INPP4B: variants seen among roughly 807,000 people sequenced by gnomAD.
INPP4B encodes the protein inositol polyphosphate-4-phosphatase type II B.
INPP4B carries 55 observed loss-of-function variants against 122.5 expected under a neutral mutation model. The observed-to-expected ratio is 0.45, with a 90% CI of 0.36 to 0.56. The LOEUF is 0.56. Among genes scored for constraint, INPP4B ranks in the 20% least tolerant of loss-of-function variants. The pLI, the probability that INPP4B is intolerant of heterozygous loss-of-function variation, is 0.00. For synonymous variants in INPP4B, 403 were observed against 388.7 expected (o/e 1.04, Z -0.43); for missense variants, 1,000 against 1,097.7 (o/e 0.91, Z 1.26).
intron 17 of INPP4B, among the ~76,000 whole-genome samples, chr4:142,156,986 C>A (rs558983802): frequency 6.6e-6 from 1 of 151,952 alleles, no homozygotes; most frequent in Admixed American, 6.6e-5. Flanking sequence ...TATTTGCAAA[C>A]GTAAGCCAAT....
chr4:142,474,637 G>A (rs1819507011), intron 2 of INPP4B, among the ~76,000 whole-genome samples: 1 of 152,050 alleles, frequency 6.6e-6, no homozygotes, highest in Non-Finnish European at 1.5e-5. Flanking sequence ...AGACAGTAGG[G>A]CAGACTACCC....
intron 2 of INPP4B, among the ~76,000 whole-genome samples, chr4:142,612,748 C>A (rs935751860): frequency 6.6e-6 from 1 of 152,174 alleles, no homozygotes; most frequent in South Asian, 2.1e-4. Context: ...GCTCCACCCT[C>A]ATGACCTAAT....
chr4:142,625,200 T>C (rs1215567396), intron 2 of INPP4B, among the ~76,000 whole-genome samples: 8 of 151,960 alleles, frequency 5.3e-5, no homozygotes, highest in African/African-American at 1.9e-4. Context: ...TTGTCCCTGT[T>C]TGCAGAGGAC....
At chr4:142,471,352 T>C (rs1186797735) in intron 2 of INPP4B, among the ~76,000 whole-genome samples, 1 of 152,104 alleles carries the variant, frequency 6.6e-6, no homozygotes, top group African/African-American at 2.4e-5. Flanking sequence ...TAAATGCAAA[T>C]ACGTCAATGT....
intron 1 of INPP4B, among the ~76,000 whole-genome samples, chr4:142,830,391 T>A (rs1781974786): frequency 6.6e-6 from 1 of 151,860 alleles, no homozygotes; most frequent in Admixed American, 6.6e-5. Context: ...TTCATTGGAG[T>A]TGTGGAGGTA....
At chr4:142,751,528 C>T (rs542119530) in intron 1 of INPP4B, among the ~76,000 whole-genome samples, 1 of 152,140 alleles carries the variant, frequency 6.6e-6, no homozygotes, top group Non-Finnish European at 1.5e-5. Context: ...AATATGCATC[C>T]CTGAAAATCT....
intron 2 of INPP4B, among the ~76,000 whole-genome samples, chr4:142,520,244 A>G (rs368954312): frequency 8.9e-4 from 136 of 152,138 alleles, no homozygotes; most frequent in Non-Finnish European, 1.6e-3. Context: ...TTTACCAAAT[A>G]CAAAATGGTA....
intron 3 of INPP4B, among the ~76,000 whole-genome samples, chr4:142,436,086 C>T (rs370871078): frequency 4.6e-5 from 7 of 152,168 alleles, no homozygotes; most frequent in Admixed American, 1.3e-4. Flanking sequence ...GGAGGCTGGA[C>T]GACTGGGTCC....
chr4:142,755,251 T>C (rs1388568541), intron 1 of INPP4B, among the ~76,000 whole-genome samples: 1 of 152,070 alleles, frequency 6.6e-6, no homozygotes, highest in Non-Finnish European at 1.5e-5. Flanking sequence ...AGTGCATGAA[T>C]TCCTCAGACT....
Position 142,401,591 on chromosome 4 carries a change from A to G in INPP4B, c.372+1347T>C, listed in dbSNP as rs189004598. Among the ~76,000 whole-genome samples, 85 of 152,338 alleles carry G rather than the reference A, an allele frequency of 5.6e-4. 1 individual carries two copies. In the East Asian group the frequency reaches 0.015, roughly 28 times the overall value. Reference sequence around the variant, plus strand: ...AAGAAAGCATGAGGCAGCTGCCAAAACAATAACAGCAATAATAGCAGTAAC... The same window carrying G: ...AAGAAAGCATGAGGCAGCTGCCAAAGCAATAACAGCAATAATAGCAGTAAC... On this transcript the variant is annotated intron_variant, in intron 7 of 25. Coordinates refer to ENST00000262992, the MANE Select transcript of INPP4B (RefSeq NM_001101669.3).
At chr4:142,151,217 T>A (rs1279702398) in intron 17 of INPP4B, among the ~76,000 whole-genome samples, 1 of 152,182 alleles carries the variant, frequency 6.6e-6, no homozygotes, top group Non-Finnish European at 1.5e-5. Context: ...TAAATTGAGT[T>A]GCACTTAAAA....
intron 3 of INPP4B, among the ~76,000 whole-genome samples, chr4:142,456,918 A>G (rs1359211931): frequency 6.6e-6 from 1 of 152,056 alleles, no homozygotes; most frequent in Non-Finnish European, 1.5e-5. Context: ...AAATCAGAGA[A>G]CTCAACTACT....
intron 2 of INPP4B, among the ~76,000 whole-genome samples, chr4:142,650,960 C>T (rs554495353): frequency 1.5e-4 from 23 of 152,250 alleles, no homozygotes; most frequent in African/African-American, 5.5e-4. Context: ...AAATTGACCA[C>T]ATAATTGGAA....
chr4:142,601,820 T>A (rs1039598059), intron 2 of INPP4B, among the ~76,000 whole-genome samples: 2 of 151,426 alleles, frequency 1.3e-5, no homozygotes. Context: ...ATATAAAAAA[T>A]TAGCCAGGTG....
chr4:142,086,593 A>G (rs1776909451), intron 23 of INPP4B, among the ~76,000 whole-genome samples: 1 of 152,102 alleles, frequency 6.6e-6, no homozygotes, highest in East Asian at 1.9e-4. Flanking sequence ...GAGCTCAAAC[A>G]AACTGCCTAT....
chr4:142,838,624 A>G (rs1187148860), intron 1 of INPP4B, among the ~76,000 whole-genome samples: 3 of 152,202 alleles, frequency 2.0e-5, no homozygotes, highest in Non-Finnish European at 2.9e-5. Flanking sequence ...TGCTCCCTAT[A>G]TAACTTGCAA....
intron 2 of INPP4B, among the ~76,000 whole-genome samples, chr4:142,647,146 C>T (rs1340985363): frequency 1.3e-5 from 2 of 151,922 alleles, no homozygotes; most frequent in Non-Finnish European, 1.5e-5. Flanking sequence ...GCTGAGTAGG[C>T]CTGTTACTAA....
intron 7 of INPP4B, among the ~76,000 whole-genome samples, chr4:142,326,192 T>C (rs1328723604): frequency 6.6e-6 from 1 of 152,196 alleles, no homozygotes; most frequent in African/African-American, 2.4e-5. Context: ...TCTTGCACTA[T>C]GTGTTACGAG....
intron 1 of INPP4B, among the ~76,000 whole-genome samples, chr4:142,821,169 T>C (rs1780751081): frequency 6.6e-6 from 1 of 152,136 alleles, no homozygotes; most frequent in African/African-American, 2.4e-5. Context: ...TGCTTCTTTA[T>C]TTTTAGTTCA....
Sources: gnomAD v4.1 joint callset for allele counts (sites outside exome capture counted in the v4.1 genomes callset) on GRCh38, gnomAD v4.1.1 for gene constraint, MANE v1.5 for transcripts, NCBI Gene and HGNC (gene_info 2026-07-23, HGNC 2026-07-21) for gene names.